LSAMP: variants seen among roughly 807,000 people sequenced by gnomAD.
LSAMP encodes the protein limbic system associated membrane protein, also known as limbic system-associated membrane protein.
A neutral mutation model predicts 38.6 loss-of-function variants in LSAMP; 7 were observed. The observed-to-expected ratio is 0.18, with a 90% CI of 0.10 to 0.34. LSAMP has a LOEUF of 0.34. Ranked by LOEUF, LSAMP falls within the 10% of genes least tolerant of loss-of-function variation. The probability of loss-of-function intolerance (pLI) is 1.00; values close to 1 mark genes in which losing one functional copy is unlikely to be tolerated. For synonymous variants in LSAMP, 154 were observed against 166.8 expected, an observed-to-expected ratio of 0.92 and a Z score of 0.59; for missense variants, 313 against 420.0, an observed-to-expected ratio of 0.75 and a Z score of 2.23.
intron 6 of LSAMP, among the ~76,000 whole-genome samples, chr3:115,831,029 G>A (rs1308745021): frequency 6.6e-6 from 1 of 152,174 alleles, no homozygotes; most frequent in East Asian, 1.9e-4. Context: ...TTAATTTTGG[G>A]AGTGGGGGTT....
At chr3:116,092,658 C>T (rs1186244008) in intron 1 of LSAMP, among the ~76,000 whole-genome samples, 2 of 152,206 alleles carry the variant, frequency 1.3e-5, no homozygotes, top group African/African-American at 4.8e-5. Flanking sequence ...AAACACTTTA[C>T]ATCAAGTCTA....
chr3:116,036,782 TAATG>T (rs1346182803), intron 2 of LSAMP, among the ~76,000 whole-genome samples: 1 of 152,190 alleles, frequency 6.6e-6, no homozygotes, highest in African/African-American at 2.4e-5. Context: ...ACTATTAAGA[TAATG>T]AACAGTACCA....
chr3:116,076,161 G>T (rs888131562), intron 2 of LSAMP, among the ~76,000 whole-genome samples: 1 of 152,112 alleles, frequency 6.6e-6, no homozygotes, highest in Admixed American at 6.6e-5. Flanking sequence ...AGACTTTTGA[G>T]CCTTTCATTT....
At chr3:116,246,529 C>T (rs2046607785) in intron 1 of LSAMP, among the ~76,000 whole-genome samples, 1 of 152,094 alleles carries the variant, frequency 6.6e-6, no homozygotes, top group Non-Finnish European at 1.5e-5. Flanking sequence ...AGGCAAATGC[C>T]AGTATTCACA....
At chr3:116,111,493 C>T (rs914838831) in intron 1 of LSAMP, among the ~76,000 whole-genome samples, 6 of 152,148 alleles carry the variant, frequency 3.9e-5, no homozygotes, top group Non-Finnish European at 8.8e-5. Context: ...TATTTAGAAT[C>T]ACTTAATAAA....
intron 3 of LSAMP, among the ~76,000 whole-genome samples, chr3:115,889,877 T>G (rs1936551875): frequency 6.6e-6 from 1 of 151,940 alleles, no homozygotes; most frequent in African/African-American, 2.4e-5. Flanking sequence ...CAAATCATAT[T>G]AAGAGCATCT....
intron 1 of LSAMP, among the ~76,000 whole-genome samples, chr3:116,325,120 T>C (rs1403234216): frequency 2.7e-5 from 4 of 149,832 alleles, no homozygotes; most frequent in African/African-American, 7.3e-5. Flanking sequence ...ATATATAACA[T>C]AATATATATT....
chr3:116,345,900 A>C (rs766790736), intron 1 of LSAMP, among the ~76,000 whole-genome samples: 1 of 152,156 alleles, frequency 6.6e-6, no homozygotes, highest in Non-Finnish European at 1.5e-5. Flanking sequence ...AGAATTAGAG[A>C]TAATCATAAT....
chr3:115,945,832 C>T (rs996817948), intron 3 of LSAMP, among the ~76,000 whole-genome samples: 2 of 152,162 alleles, frequency 1.3e-5, no homozygotes, highest in Non-Finnish European at 1.5e-5. Context: ...GATGGATCAT[C>T]AAGAACAAAT....
intron 2 of LSAMP, among the ~76,000 whole-genome samples, chr3:116,046,240 G>C (rs1439017579): frequency 6.6e-6 from 1 of 152,116 alleles, no homozygotes; most frequent in African/African-American, 2.4e-5. Flanking sequence ...CAGCCCTCCT[G>C]TTCTTAACTT....
chr3:116,138,357 T>G (rs1044079000), intron 1 of LSAMP, among the ~76,000 whole-genome samples: 2 of 152,130 alleles, frequency 1.3e-5, no homozygotes, highest in Non-Finnish European at 2.9e-5. Context: ...ATTGTGGATA[T>G]TTTCTTTCAG....
intron 1 of LSAMP, among the ~76,000 whole-genome samples, chr3:116,355,548 C>T (rs192628291): frequency 1.6e-4 from 24 of 152,248 alleles, no homozygotes; most frequent in Admixed American, 1.6e-3. Flanking sequence ...TTGAGTAATA[C>T]TCCAAAAGCA....
chr3:115,957,826 A>G (rs1938499786), intron 3 of LSAMP, among the ~76,000 whole-genome samples: 1 of 152,132 alleles, frequency 6.6e-6, no homozygotes, highest in African/African-American at 2.4e-5. Context: ...TTCTCAAACC[A>G]TAGGATTTCC....
chr3:116,276,555 G>A (rs993469070), intron 1 of LSAMP, among the ~76,000 whole-genome samples: 3 of 151,808 alleles, frequency 2.0e-5, no homozygotes, highest in African/African-American at 7.3e-5. Context: ...GGGATAAAAG[G>A]CTGCAAACAG....
At chr3:116,260,153 C>T (rs1328408509) in intron 1 of LSAMP, among the ~76,000 whole-genome samples, 2 of 151,970 alleles carry the variant, frequency 1.3e-5, no homozygotes, top group Non-Finnish European at 2.9e-5. Flanking sequence ...GAAAGGAATG[C>T]TAAACTTTCC....
At chr3:115,812,847 T>G (rs1326972754) in intron 6 of LSAMP, among the ~76,000 whole-genome samples, 2 of 152,178 alleles carry the variant, frequency 1.3e-5, no homozygotes, top group African/African-American at 4.8e-5. Flanking sequence ...AATGATATCT[T>G]GGGAAGGTTA....
At chr3:115,856,821 A>T (rs974959060) in intron 3 of LSAMP, among the ~76,000 whole-genome samples, 5 of 152,170 alleles carry the variant, frequency 3.3e-5, no homozygotes, top group African/African-American at 7.2e-5. Context: ...TAAGCTACCC[A>T]GTCTATGGTA....
At chr3:116,004,815 C>A (rs564944029) in intron 3 of LSAMP, among the ~76,000 whole-genome samples, 24 of 152,216 alleles carry the variant, frequency 1.6e-4, no homozygotes, top group African/African-American at 5.8e-4. Flanking sequence ...CTTGGCAATT[C>A]TCTCTGGACC....
At chr3:115,817,945 ATCTTT>A (rs1240510571) in intron 6 of LSAMP, among the ~76,000 whole-genome samples, 11 of 152,122 alleles carry the variant, frequency 7.2e-5, no homozygotes, top group African/African-American at 2.2e-4. Flanking sequence ...GAGCTTTGAC[ATCTTT>A]TCTTTAGGAT....
Sources: gnomAD v4.1 joint callset for allele counts (sites outside exome capture counted in the v4.1 genomes callset) on GRCh38, gnomAD v4.1.1 for gene constraint, MANE v1.5 for transcripts, NCBI Gene and HGNC (gene_info 2026-07-23, HGNC 2026-07-21) for gene names.